The following FADS2 variants were observed in gnomAD, a reference collection of about 807,000 sequenced individuals.
FADS2 encodes the protein fatty acid desaturase 2, also known as acyl-CoA 6-desaturase.
FADS2 carries 18 observed loss-of-function variants against 61.2 expected under a neutral mutation model. The ratio of observed to expected loss-of-function variants is 0.29; its 90% CI spans 0.20 to 0.44. The LOEUF is 0.44. FADS2 is among the 20% of genes least tolerant of loss of function. The probability of loss-of-function intolerance (pLI) is 1.00; values close to 1 mark genes in which losing one functional copy is unlikely to be tolerated. For missense variants in FADS2, 322 were observed against 572.7 expected (o/e 0.56, Z 4.47); for synonymous variants, 203 against 223.9 (o/e 0.91, Z 0.83).
Position 61,863,050 on chromosome 11 carries a change from C to A in FADS2, c.961C>A (p.Leu321Ile). 6.2e-7 allele frequency: 1 copy of A among 1,614,174 alleles called. No homozygotes were observed. The highest frequency in any genetic ancestry group is 8.5e-7 in the Non-Finnish European group (1 of 1,179,964). Reference protein sequence around the residue: ...IPFYGILGALLFLNFIRFLES... With the variant: ...IPFYGILGALIFLNFIRFLES... ...TTTCTACGGCATCCTGGGAGCCCTC[C>A]TTTTCCTCAACTTCATCAGGTGCCT... The change falls in exon 8 of 12, where the codon CTT becomes ATT. Residue 321 changes from leucine to isoleucine, a missense_variant. Leu to Ile is a conservative substitution (Grantham distance 5, BLOSUM62 2). Transcript: ENST00000278840.
At chr11:61,852,503 C>T (rs1313576339) in intron 5 of FADS2, among the ~76,000 whole-genome samples, 9 of 152,104 alleles carry the variant, frequency 5.9e-5, no homozygotes, top group African/African-American at 1.9e-4. Flanking sequence ...TCAAGTGATC[C>T]GCCTACCTCA....
chr11:61,860,818 G>C (rs500850), intron 7 of FADS2, among the ~76,000 whole-genome samples: 10,004 of 152,276 alleles, frequency 0.066, 450 homozygotes, highest in Non-Finnish European at 0.095. Context: ...TGAGGTAGGA[G>C]GATGGCTTGA....
At chr11:61,857,931 G>T (rs1031806045) in intron 7 of FADS2, among the ~76,000 whole-genome samples, 3 of 152,236 alleles carry the variant, frequency 2.0e-5, no homozygotes, top group African/African-American at 7.2e-5. Context: ...AGGTGTGGTC[G>T]TTTGCGAAGA....
chr11:61,816,896 G>A lies in FADS2; in HGVS notation c.141+470G>A, dbSNP rs2066990839. On this transcript the variant is annotated intron_variant, in intron 1 of 11. Coordinates refer to the FADS2 transcript ENST00000257261. The surrounding 1 kb of genome is among the most constrained non-coding windows in gnomAD (Gnocchi z 7.0). Reference sequence around the variant, plus strand: ...CGCGCCGGGTTTTCAGCACCGCAGGGCAGACCGGCGGGCCTCGCAGCGCGC... The same window carrying A: ...CGCGCCGGGTTTTCAGCACCGCAGGACAGACCGGCGGGCCTCGCAGCGCGC... The A allele has an allele frequency of 1.4e-6, 2 of 1,429,564 alleles. No individual in the cohort carries two copies. Among genetic ancestry groups the A allele is most frequent in the Non-Finnish European group, 9.1e-7 (1 of 1,104,302 alleles). The allele number at this position is 1,429,564 out of a possible 1,614,324, so 88.6% of individuals were successfully genotyped here.
intron 4 of FADS2, 51 bp from the exon 5 acceptor site, chr11:61,848,108 T>A: frequency 1.2e-6 from 2 of 1,613,152 alleles, no homozygotes; most frequent in Non-Finnish European, 1.7e-6. Context: ...ACAAGCGAGC[T>A]CGGTTCCCTG....
chr11:61,847,269 T>C (rs564639216), intron 4 of FADS2: 1 of 152,272 alleles, frequency 6.6e-6, no homozygotes, highest in Admixed American at 6.5e-5. Context: ...TCAATGACTT[T>C]TGGTATATTC....
Position 61,865,378 on chromosome 11 carries a change from C to A in FADS2, c.1283+101C>A. ...GGGCCCTCCTGGCACAGTCACCCAC[C>A]AGGGCACCTGCCTTACTCCCGAGCC... On this transcript the variant is annotated intron_variant, in intron 11 of 11. Coordinates refer to ENST00000278840, the MANE Select transcript of FADS2 (RefSeq NM_004265.4). This position sits in a 1 kb window ranked among gnomAD's most constrained non-coding sequence, Gnocchi z 4.1. 7.0e-7 allele frequency: 1 copy of A among 1,424,088 alleles called. No individual in the cohort carries two copies. Among genetic ancestry groups the A allele is most frequent in the Non-Finnish European group, 9.5e-7 (1 of 1,050,898 alleles). 88.2% of individuals were successfully genotyped at this position (1,424,088 alleles called of 1,614,324 possible).
At chr11:61,831,511 C>CT (rs112516681) in intron 1 of FADS2, among the ~76,000 whole-genome samples, 10 of 152,122 alleles carry the variant, frequency 6.6e-5, no homozygotes, top group East Asian at 1.9e-4. Flanking sequence ...AGGGCATTTT[C>CT]TTTTTTTTGA....
intron 7 of FADS2, chr11:61,862,766 C>G: frequency 1.7e-6 from 1 of 592,412 alleles, no homozygotes; most frequent in Non-Finnish European, 3.0e-6. Context: ...CTTCCTGATG[C>G]TAAAACACTC....
intron 1 of FADS2, among the ~76,000 whole-genome samples, chr11:61,830,078 A>G (rs913907497): frequency 6.6e-6 from 1 of 152,224 alleles, no homozygotes; most frequent in Non-Finnish European, 1.5e-5. Context: ...ACATACCTTC[A>G]GTGCTATCTC....
intron 9 of FADS2, 74 bp downstream of exon 9, chr11:61,863,452 C>T: frequency 8.4e-7 from 1 of 1,194,208 alleles, no homozygotes. Context: ...TCTGCACCTG[C>T]TAACACAGGG....
Position 61,834,872 on chromosome 11 carries a change from C to T in FADS2, c.208-2906C>T, listed in dbSNP as rs992488246. Reference sequence around the variant, plus strand: ...CAGGGCCTTGCTCATTTTGCATAGGCGGCTGAGGCTCTGGTGGGGACTGAT... The same window carrying T: ...CAGGGCCTTGCTCATTTTGCATAGGTGGCTGAGGCTCTGGTGGGGACTGAT... On this transcript the variant is annotated intron_variant, in intron 1 of 11. Coordinates refer to ENST00000278840, the MANE Select transcript of FADS2 (RefSeq NM_004265.4). Among the ~76,000 whole-genome samples, 5 of 152,024 alleles carry T rather than the reference C, an allele frequency of 3.3e-5. No individual in the cohort carries two copies. The South Asian group carries it at 8.3e-4, about 25-fold the overall frequency.
intron 1 of FADS2, chr11:61,817,062 G>A (rs1320297143): frequency 9.2e-7 from 1 of 1,089,306 alleles, no homozygotes; most frequent in Non-Finnish European, 1.2e-6. Flanking sequence ...ACTTCCTGAC[G>A]TCAGGCGGGC....
intron 1 of FADS2, among the ~76,000 whole-genome samples, chr11:61,819,951 G>A (rs1480847461): frequency 2.0e-5 from 3 of 148,964 alleles, no homozygotes; most frequent in African/African-American, 5.0e-5. Context: ...GGTTGGGCGC[G>A]GTGGCTCACA....
intron 5 of FADS2, chr11:61,849,640 T>G (rs2067289128): frequency 6.6e-6 from 1 of 152,170 alleles, no homozygotes; most frequent in Non-Finnish European, 1.5e-5. Flanking sequence ...CCCCAAATTT[T>G]ATGCCCTTGA....
rs760628346 is a variant in FADS2, at chr11:61,862,963, T to G, written c.883-9T>G. On this transcript the variant is annotated splice_polypyrimidine_tract_variant and intron_variant, in intron 7 of 11. Coordinates refer to ENST00000278840, the MANE Select transcript of FADS2 (RefSeq NM_004265.4). ...GGCAGGTTGCACCTAACTTCATCTT[T>G]CCCCGCAGGACCTGGCCTGGGCCGT... 2 of 1,613,342 alleles carry G rather than the reference T, an allele frequency of 1.2e-6. No homozygotes were observed. Among genetic ancestry groups the G allele is most frequent in the African/African-American group, 2.7e-5 (2 of 74,914 alleles).
At chr11:61,839,182 C>G (rs1293764818) in intron 2 of FADS2, among the ~76,000 whole-genome samples, 2 of 152,194 alleles carry the variant, frequency 1.3e-5, no homozygotes, top group Non-Finnish European at 2.9e-5. Flanking sequence ...TCACAGCCCC[C>G]TCCTGCCTGC....
Position 61,816,811 on chromosome 11 carries a change from C to A in FADS2, c.141+385C>A. ...GCCAGCAGGGGCTGTCAGGCGCGTGCTCGGGGTCCGCGGGCTCCAGGAGTG... is the reference window on the plus strand; with the variant it reads ...GCCAGCAGGGGCTGTCAGGCGCGTGATCGGGGTCCGCGGGCTCCAGGAGTG... On this transcript the variant is annotated intron_variant, in intron 1 of 11. Transcript: ENST00000257261. The surrounding 1 kb of genome is among the most constrained non-coding windows in gnomAD (Gnocchi z 7.0). 6.7e-7 allele frequency: 1 copy of A among 1,495,240 alleles called. No individual in the cohort carries two copies. The highest frequency in any genetic ancestry group is 1.3e-5 in the South Asian group (1 of 78,258). 92.6% of individuals were successfully genotyped at this position (1,495,240 alleles called of 1,614,324 possible).
intron 4 of FADS2, among the ~76,000 whole-genome samples, chr11:61,842,454 C>A (rs565363126): frequency 6.6e-6 from 1 of 152,270 alleles, no homozygotes; most frequent in Non-Finnish European, 1.5e-5. Context: ...CAAAGATGGG[C>A]TGTGTCCTGC....
Sources: gnomAD v4.1 joint callset for allele counts (sites outside exome capture counted in the v4.1 genomes callset) on GRCh38, gnomAD v4.1.1 for gene constraint, Gnocchi (gnomAD v3.1) non-coding constraint, MANE v1.5 for transcripts, NCBI Gene and HGNC (gene_info 2026-07-23, HGNC 2026-07-21) for gene names.